Variants in FLRT2 observed in about 807,000 individuals in gnomAD.
FLRT2 encodes leucine-rich repeat transmembrane protein FLRT2.
Under a neutral mutation model 40.0 loss-of-function variants are expected in FLRT2, and 15 were observed. The ratio of observed to expected loss-of-function variants is 0.38; its 90% CI spans 0.25 to 0.58. The LOEUF (loss-of-function observed/expected upper bound fraction) is 0.58, where lower values mean the gene tolerates loss of function less well. FLRT2 is among the 20% of genes least tolerant of loss of function. The pLI, the probability that FLRT2 is intolerant of heterozygous loss-of-function variation, is 0.71. For synonymous variants in FLRT2, 380 were observed against 336.8 expected, an observed-to-expected ratio of 1.13 and a Z score of -1.41; for missense variants, 726 against 840.0, an observed-to-expected ratio of 0.86 and a Z score of 1.68.
At chr14:85,532,703 A>G (rs888790693) in intron 1 of FLRT2, among the ~76,000 whole-genome samples, 5 of 152,222 alleles carry the variant, frequency 3.3e-5, no homozygotes, top group Non-Finnish European at 5.9e-5. Context: ...AAAGTCATTT[A>G]AGGTGGTCCA....
chr14:85,584,909 G>C (rs1479845086), intron 1 of FLRT2, among the ~76,000 whole-genome samples: 2 of 149,612 alleles, frequency 1.3e-5, no homozygotes, highest in East Asian at 2.0e-4. Context: ...AAAAGGCATA[G>C]AGTGGGGGTG....
chr14:85,580,169 A>G (rs1467299090), intron 1 of FLRT2, among the ~76,000 whole-genome samples: 1 of 152,104 alleles, frequency 6.6e-6, no homozygotes, highest in Non-Finnish European at 1.5e-5. Context: ...ATTGGAATCA[A>G]TAGAATGTCA....
intron 1 of FLRT2, among the ~76,000 whole-genome samples, chr14:85,597,625 C>T (rs1179050535): frequency 6.6e-6 from 1 of 152,184 alleles, no homozygotes; most frequent in South Asian, 2.1e-4. Context: ...GGCACGATCT[C>T]GACTCACTGC....
chr14:85,547,626 T>G (rs1433616437), intron 1 of FLRT2, among the ~76,000 whole-genome samples: 1 of 151,730 alleles, frequency 6.6e-6, no homozygotes, highest in African/African-American at 2.4e-5. Flanking sequence ...TCGGCCGCTT[T>G]GTCTTTATTT....
chr14:85,578,190 T>TTATATATAAATATACG (rs1555367808), intron 1 of FLRT2, among the ~76,000 whole-genome samples: 5 of 145,860 alleles, frequency 3.4e-5, no homozygotes, highest in African/African-American at 5.0e-5. Flanking sequence ...TTATATATAT[T>TTATATATAAATATACG]TATATATATT....
intron 1 of FLRT2, among the ~76,000 whole-genome samples, chr14:85,558,927 G>A (rs1391705410): frequency 6.6e-6 from 1 of 152,196 alleles, no homozygotes; most frequent in African/African-American, 2.4e-5. Context: ...AGTTTTCTCT[G>A]GATTGGATAA....
chr14:85,623,458 C>A lies in FLRT2; in HGVS notation c.1944C>A (p.Cys648Ter). 6.8e-7 allele frequency: 1 copy of A among 1,464,220 alleles called. No homozygotes were observed. Among genetic ancestry groups the A allele is most frequent in the Middle Eastern group, 1.8e-4 (1 of 5,462 alleles). The allele number at this position is 1,464,220 out of a possible 1,614,324, so 90.7% of individuals were successfully genotyped here. A position where few individuals can be genotyped will look rare whatever the true frequency, so the allele number is the denominator to read the frequency against. ...DCHIPNNMRYCNSSVPDLEHC... is the reference protein window; with the variant it reads ...DCHIPNNMRY ...ATATCCCCAACAACATGCGATACTG[C>A]AACAGCAGCGTGCCAGACCTGGAGC... Residue 648 changes from cysteine to a stop codon, truncating the protein, a stop_gained, in exon 2 of 2, where the codon TGC (cysteine) becomes TGA (stop). Transcript: ENST00000330753. LOFTEE classifies it high-confidence loss of function.
At chr14:85,601,087 AAGG>A (rs1454384676) in intron 1 of FLRT2, among the ~76,000 whole-genome samples, 2 of 152,140 alleles carry the variant, frequency 1.3e-5, no homozygotes, top group Admixed American at 1.3e-4. Context: ...GAACCTCAGA[AAGG>A]AGAATGTTCA....
chr14:85,554,789 A>G (rs1226374370), intron 1 of FLRT2, among the ~76,000 whole-genome samples: 1 of 152,164 alleles, frequency 6.6e-6, no homozygotes, highest in Non-Finnish European at 1.5e-5. Context: ...ATTTCAATAA[A>G]CAGCCTGGTT....
chr14:85,587,833 C>T (rs1469254138), intron 1 of FLRT2, among the ~76,000 whole-genome samples: 1 of 152,106 alleles, frequency 6.6e-6, no homozygotes, highest in African/African-American at 2.4e-5. Flanking sequence ...ACCCACAATG[C>T]TGTATTGTCT....
Position 85,629,755 on chromosome 14 carries a change from T to A in FLRT2, c.*6258T>A, listed in dbSNP as rs1173393540. ...CAGATTTTTCATGATGGAGCTATCATAACTTCTCAGTGGATACATATATTA... is the reference window on the plus strand; with the variant it reads ...CAGATTTTTCATGATGGAGCTATCAAAACTTCTCAGTGGATACATATATTA... On this transcript the variant is annotated 3_prime_UTR_variant, in exon 2 of 2. Coordinates refer to ENST00000330753, the MANE Select transcript of FLRT2 (RefSeq NM_013231.6). 1 of 152,208 alleles carries A rather than the reference T, an allele frequency of 6.6e-6. No individual in the cohort carries two copies. The highest frequency in any genetic ancestry group is 6.5e-5 in the Admixed American group (1 of 15,272). 9.4% of individuals were successfully genotyped at this position (152,208 alleles called of 1,614,324 possible). A position where few individuals can be genotyped will look rare whatever the true frequency, so the allele number is the denominator to read the frequency against.
At chr14:85,557,538 C>T (rs955623501) in intron 1 of FLRT2, among the ~76,000 whole-genome samples, 8 of 152,174 alleles carry the variant, frequency 5.3e-5, no homozygotes, top group East Asian at 1.9e-4. Context: ...CGGCAAGGCG[C>T]GGTGGCTCAC....
intron 1 of FLRT2, among the ~76,000 whole-genome samples, chr14:85,550,411 A>G (rs1889546696): frequency 6.6e-6 from 1 of 152,216 alleles, no homozygotes; most frequent in Admixed American, 6.5e-5. Context: ...AAAAAGGCAG[A>G]TCAGGTAAAT....
chr14:85,546,185 T>C (rs17643366), intron 1 of FLRT2, among the ~76,000 whole-genome samples: 7,275 of 152,266 alleles, frequency 0.048, 270 homozygotes, highest in Non-Finnish European at 0.066. Flanking sequence ...CATCTCTACA[T>C]GTATGAAAGT....
intron 1 of FLRT2, among the ~76,000 whole-genome samples, chr14:85,541,418 A>G (rs1460145331): frequency 6.6e-6 from 1 of 152,176 alleles, no homozygotes; most frequent in Non-Finnish European, 1.5e-5. Flanking sequence ...GCAGTTTTAT[A>G]CAAGATTGAA....
Position 85,630,053 on chromosome 14 carries a change from C to T in FLRT2, c.*6556C>T, listed in dbSNP as rs558975159. On this transcript the variant is annotated 3_prime_UTR_variant, in exon 2 of 2. Coordinates refer to ENST00000330753, the MANE Select transcript of FLRT2 (RefSeq NM_013231.6). ...GTTGCTCTAAGTATTTTGTAGATTCCGCTGAAAAAGCACGTATGTCACAAT... is the reference window on the plus strand; with the variant it reads ...GTTGCTCTAAGTATTTTGTAGATTCTGCTGAAAAAGCACGTATGTCACAAT... The T allele has an allele frequency of 4.6e-5, 7 of 151,912 alleles. No homozygotes were observed. The highest frequency in any genetic ancestry group is 8.8e-5 in the Non-Finnish European group (6 of 67,986). 9.4% of individuals were successfully genotyped at this position (151,912 alleles called of 1,614,324 possible). A position where few individuals can be genotyped will look rare whatever the true frequency, so the allele number is the denominator to read the frequency against.
rs1894205969 is a variant in FLRT2, at chr14:85,643,340, T to TTTC, written c.*19846_*19848dup. ...CTTTCTTTCTTTCTTTCTTTCTTTC[T>TTTC]TTCTTTCTTTCTTTCTTCCTTCCTT... On this transcript the variant is annotated 3_prime_UTR_variant, in exon 2 of 2. Coordinates refer to ENST00000330753, the MANE Select transcript of FLRT2 (RefSeq NM_013231.6). 1.1e-5 allele frequency: 1 copy of TTTC among 87,260 alleles called. No individual in the cohort carries two copies. The highest frequency in any genetic ancestry group is 1.3e-4 in the Admixed American group (1 of 7,824). The allele number at this position is 87,260 out of a possible 1,614,324, so 5.4% of individuals were successfully genotyped here. A position where few individuals can be genotyped will look rare whatever the true frequency, so the allele number is the denominator to read the frequency against.
At chr14:85,552,268 C>A (rs1265450933) in intron 1 of FLRT2, among the ~76,000 whole-genome samples, 1 of 152,092 alleles carries the variant, frequency 6.6e-6, no homozygotes, top group Non-Finnish European at 1.5e-5. Context: ...TTTGTAGGTA[C>A]CTTCGCTGCT....
intron 1 of FLRT2, chr14:85,562,664 A>G (rs1387939130): frequency 7.9e-6 from 1 of 126,752 alleles, no homozygotes; most frequent in African/African-American, 3.1e-5. Flanking sequence ...ATTAAAGACT[A>G]TGCTCATGGA....
Sources: gnomAD v4.1 joint callset for allele counts (sites outside exome capture counted in the v4.1 genomes callset) on GRCh38, gnomAD v4.1.1 for gene constraint, MANE v1.5 for transcripts, NCBI Gene and HGNC (gene_info 2026-07-23, HGNC 2026-07-21) for gene names.